CNTNAP2: variants seen among roughly 807,000 people sequenced by gnomAD.
CNTNAP2 encodes contactin-associated protein-like 2.
In CNTNAP2, 98 loss-of-function variants were observed where a neutral mutation model predicts 155.2. The observed-to-expected ratio is 0.63, with a 90% CI of 0.54 to 0.75. The LOEUF (loss-of-function observed/expected upper bound fraction) is 0.75, where lower values mean the gene tolerates loss of function less well. Among genes scored for constraint, CNTNAP2 ranks in the 30% least tolerant of loss-of-function variants. The pLI, the probability that CNTNAP2 is intolerant of heterozygous loss-of-function variation, is 0.00. For synonymous variants in CNTNAP2, 651 were observed against 631.2 expected (o/e 1.03, Z -0.47); for missense variants, 1,727 against 1,688.1 (o/e 1.02, Z -0.40).
chr7:147,517,452 A>G (rs1465285657), intron 11 of CNTNAP2, among the ~76,000 whole-genome samples: 1 of 152,200 alleles, frequency 6.6e-6, no homozygotes, highest in Non-Finnish European at 1.5e-5. Context: ...CTTCATTACA[A>G]ACAGCAAATT....
At chr7:146,406,369 C>A (rs1195456511) in intron 1 of CNTNAP2, among the ~76,000 whole-genome samples, 1 of 152,104 alleles carries the variant, frequency 6.6e-6, no homozygotes, top group East Asian at 1.9e-4. Context: ...AATGATAAAC[C>A]AATGATTTTA....
chr7:146,593,402 G>A (rs1798812918), intron 1 of CNTNAP2, among the ~76,000 whole-genome samples: 1 of 152,044 alleles, frequency 6.6e-6, no homozygotes, highest in Non-Finnish European at 1.5e-5. Context: ...AAAGAGGGTT[G>A]AATGAAGAAG....
chr7:148,120,977 A>T (rs1804583502), intron 16 of CNTNAP2, among the ~76,000 whole-genome samples: 1 of 152,268 alleles, frequency 6.6e-6, no homozygotes, highest in African/African-American at 2.4e-5. Flanking sequence ...ATGGAGAAAA[A>T]AATGGCCATG....
intron 1 of CNTNAP2, among the ~76,000 whole-genome samples, chr7:146,266,278 T>C (rs1027723167): frequency 1.3e-5 from 2 of 152,118 alleles, no homozygotes; most frequent in Admixed American, 6.5e-5. Context: ...TGTGGAGTGG[T>C]TTTTGACTTT....
intron 15 of CNTNAP2, among the ~76,000 whole-genome samples, chr7:148,074,886 C>T (rs1313660575): frequency 6.6e-6 from 1 of 152,122 alleles, no homozygotes; most frequent in Admixed American, 6.5e-5. Context: ...TTATTTTTAT[C>T]AACACTTTCT....
At chr7:147,432,495 T>G (rs1482523675) in intron 10 of CNTNAP2, among the ~76,000 whole-genome samples, 1 of 152,228 alleles carries the variant, frequency 6.6e-6, no homozygotes, top group Non-Finnish European at 1.5e-5. Context: ...TTTATCAATA[T>G]CACTACTTCC....
At chr7:147,518,558 G>A (rs575753495) in intron 11 of CNTNAP2, among the ~76,000 whole-genome samples, 113 of 152,290 alleles carry the variant, frequency 7.4e-4, no homozygotes, top group African/African-American at 2.6e-3. Flanking sequence ...GAAACATTTT[G>A]TAGCTCTTCC....
chr7:146,127,561 G>C (rs1280848581), intron 1 of CNTNAP2, among the ~76,000 whole-genome samples: 2 of 152,164 alleles, frequency 1.3e-5, no homozygotes, highest in Non-Finnish European at 2.9e-5. Context: ...TGCTGTGAAA[G>C]CTTACAACTT....
chr7:146,495,807 G>C (rs1458236199), intron 1 of CNTNAP2, among the ~76,000 whole-genome samples: 1 of 152,050 alleles, frequency 6.6e-6, no homozygotes, highest in Admixed American at 6.6e-5. Context: ...AGACATAGGA[G>C]ACTAAACAAG....
At chr7:147,264,414 T>C (rs897122866) in intron 8 of CNTNAP2, among the ~76,000 whole-genome samples, 2 of 152,054 alleles carry the variant, frequency 1.3e-5, no homozygotes, top group Non-Finnish European at 2.9e-5. Flanking sequence ...ATACGTAGAA[T>C]GGTAGAACAA....
intron 18 of CNTNAP2, among the ~76,000 whole-genome samples, chr7:148,199,641 G>A (rs1218578644): frequency 6.6e-6 from 1 of 152,168 alleles, no homozygotes; most frequent in Non-Finnish European, 1.5e-5. Context: ...CACTTGAAAC[G>A]GGGCTAGTTC....
chr7:146,559,064 A>G (rs1178334696), intron 1 of CNTNAP2, among the ~76,000 whole-genome samples: 7 of 152,226 alleles, frequency 4.6e-5, no homozygotes, highest in African/African-American at 1.7e-4. Context: ...ACAAAGTTTG[A>G]GTTGGGCAGG....
intron 3 of CNTNAP2, among the ~76,000 whole-genome samples, chr7:146,912,469 G>A (rs1796303556): frequency 6.6e-6 from 1 of 152,046 alleles, no homozygotes; most frequent in Non-Finnish European, 1.5e-5. Context: ...TGCTATGTTA[G>A]CTCTCAAATA....
chr7:147,155,320 A>T (rs148428387), intron 8 of CNTNAP2, among the ~76,000 whole-genome samples: 76 of 152,274 alleles, frequency 5.0e-4, no homozygotes, highest in African/African-American at 1.8e-3. Context: ...TGGACTTCTC[A>T]ACCTTCCTAA....
At chr7:146,342,243 C>A (rs10249269) in intron 1 of CNTNAP2, among the ~76,000 whole-genome samples, 1 of 151,974 alleles carries the variant, frequency 6.6e-6, no homozygotes, top group East Asian at 1.9e-4. Context: ...CAAATTGCTG[C>A]AGAAGTATTT....
chr7:148,095,638 G>C (rs1374637109), intron 15 of CNTNAP2, among the ~76,000 whole-genome samples: 1 of 152,198 alleles, frequency 6.6e-6, no homozygotes, highest in Non-Finnish European at 1.5e-5. Flanking sequence ...TGATTCTGAT[G>C]CTCACCAAAG....
At chr7:147,582,473 A>C (rs1310272679) in intron 12 of CNTNAP2, among the ~76,000 whole-genome samples, 2 of 152,116 alleles carry the variant, frequency 1.3e-5, no homozygotes, top group Admixed American at 1.3e-4. Context: ...AATGTTTCCT[A>C]TATTTAATAT....
chr7:147,580,232 A>G (rs901297572), intron 12 of CNTNAP2, among the ~76,000 whole-genome samples: 5 of 152,158 alleles, frequency 3.3e-5, no homozygotes, highest in Non-Finnish European at 5.9e-5. Context: ...CAAAGAAGAC[A>G]AGCTGTCCCA....
intron 18 of CNTNAP2, among the ~76,000 whole-genome samples, chr7:148,205,190 C>A (rs1021280134): frequency 6.6e-6 from 1 of 152,080 alleles, no homozygotes; most frequent in Admixed American, 6.5e-5. Context: ...CAGCTGAGCA[C>A]GTGAGAAAAT....
Sources: gnomAD v4.1 joint callset for allele counts (sites outside exome capture counted in the v4.1 genomes callset) on GRCh38, gnomAD v4.1.1 for gene constraint, MANE v1.5 for transcripts, NCBI Gene and HGNC (gene_info 2026-07-23, HGNC 2026-07-21) for gene names.